SPICE1: variants seen among roughly 807,000 people sequenced by gnomAD.
The protein encoded by SPICE1 is spindle and centriole associated protein 1.
A neutral mutation model predicts 102.7 loss-of-function variants in SPICE1; 75 were observed. The ratio of observed to expected loss-of-function variants is 0.73; its 90% CI spans 0.61 to 0.88. The LOEUF (loss-of-function observed/expected upper bound fraction) is 0.88, where lower values mean the gene tolerates loss of function less well. Ranked by LOEUF, SPICE1 falls within the 40% of genes least tolerant of loss-of-function variation. SPICE1 has a pLI of 0.00. For synonymous variants in SPICE1, 308 were observed against 350.3 expected, an observed-to-expected ratio of 0.88 and a Z score of 1.35; for missense variants, 979 against 1,020.1, an observed-to-expected ratio of 0.96 and a Z score of 0.55.
At chr3:113,455,081 C>T (rs1350000957) in intron 13 of SPICE1, among the ~76,000 whole-genome samples, 1 of 152,164 alleles carries the variant, frequency 6.6e-6, no homozygotes, top group Non-Finnish European at 1.5e-5. Context: ...CCTTTACTTC[C>T]CTGAATATGC....
chr3:113,457,802 G>A (rs1001643174), intron 12 of SPICE1, among the ~76,000 whole-genome samples: 1 of 152,120 alleles, frequency 6.6e-6, no homozygotes, highest in Non-Finnish European at 1.5e-5. Context: ...GGGACTATAG[G>A]CATGCACCAT....
In SPICE1 at chr3:113,515,145, G is replaced by C. The variant is rs1246321543; in HGVS notation, c.-249C>G. 5.8e-6 allele frequency: 1 copy of C among 173,708 alleles called. No individual in the cohort carries two copies. The highest frequency in any genetic ancestry group is 2.4e-5 in the African/African-American group (1 of 41,608). 10.8% of individuals were successfully genotyped at this position (173,708 alleles called of 1,614,324 possible). A position where few individuals can be genotyped will look rare whatever the true frequency, so the allele number is the denominator to read the frequency against. On this transcript the variant is annotated 5_prime_UTR_variant, in exon 1 of 18. Transcript: ENST00000295872. ...ACTTCAGGCGCCGGAACCGCGGAGC[G>C]CGCCACAGGTTAACCCAGCCAGCGG... is the stretch of plus-strand genomic sequence containing the variant.
chr3:113,446,607 AG>A lies in SPICE1; in HGVS notation c.2495del (p.Pro832LeufsTer26), dbSNP rs1935519250. The A allele has an allele frequency of 1.9e-6, 3 of 1,613,422 alleles. No individual in the cohort carries two copies. In the African/African-American group the frequency reaches 4.0e-5, roughly 22 times the overall value. ...CGTGTACCTTTGCTCTTGGATTAAG[AG>A]GTGTGAATCTCCCACTTCCTGAGGT... ...NATSGSGRFT[P>X]LNPRAKIEKQ... On this transcript the variant is annotated frameshift_variant, in exon 17 of 18. Coordinates refer to ENST00000295872, the MANE Select transcript of SPICE1 (RefSeq NM_144718.4). LOFTEE classifies it high-confidence loss of function.
chr3:113,494,899 G>A (rs1404012108), intron 4 of SPICE1, among the ~76,000 whole-genome samples: 1 of 152,112 alleles, frequency 6.6e-6, no homozygotes, highest in Non-Finnish European at 1.5e-5. Context: ...ATGAATCTTT[G>A]AGCCATAAAC....
At chr3:113,459,329 A>G (rs998729385) in intron 12 of SPICE1, 2 of 365,716 alleles carry the variant, frequency 5.5e-6, no homozygotes, top group Non-Finnish European at 7.6e-6. Flanking sequence ...CTTTGTTCAC[A>G]TGTTTATCTG....
intron 11 of SPICE1, among the ~76,000 whole-genome samples, chr3:113,464,993 C>A (rs942741173): frequency 2.0e-5 from 3 of 151,636 alleles, no homozygotes; most frequent in Admixed American, 6.6e-5. Flanking sequence ...GTAGTCCCAG[C>A]GACTTGGGAG....
chr3:113,505,344 A>G (rs2107506543), intron 2 of SPICE1, among the ~76,000 whole-genome samples: 1 of 152,086 alleles, frequency 6.6e-6, no homozygotes, highest in South Asian at 2.1e-4. Context: ...CAGTTTCCTT[A>G]CCTTAGAGTC....
intron 7 of SPICE1, among the ~76,000 whole-genome samples, chr3:113,471,041 T>C (rs1373684888): frequency 6.6e-6 from 1 of 152,178 alleles, no homozygotes; most frequent in Non-Finnish European, 1.5e-5. Flanking sequence ...ACTTTTGAGC[T>C]AATGAGATTT....
Position 113,487,424 on chromosome 3 carries a change from C to T in SPICE1, c.611+1521G>A, listed in dbSNP as rs552334228. On this transcript the variant is annotated intron_variant, in intron 7 of 17. Transcript: ENST00000295872. ...TATAGATATGTTCATATACATATGA[C>T]TATAGGTATATATATGTATGTGTGC... is the stretch of plus-strand genomic sequence containing the variant. Among the ~76,000 whole-genome samples the T allele has an allele frequency of 2.4e-4, 36 of 152,072 alleles. 1 individual carries two copies. The East Asian group carries it at 6.6e-3, about 28-fold the overall frequency.
intron 12 of SPICE1, among the ~76,000 whole-genome samples, chr3:113,458,968 G>A (rs1233096470): frequency 1.4e-4 from 21 of 151,720 alleles, no homozygotes; most frequent in Non-Finnish European, 2.2e-4. Flanking sequence ...CGGTTTTGTC[G>A]AATAGAAAAG....
chr3:113,446,187 G>C (rs1006129994), intron 17 of SPICE1, among the ~76,000 whole-genome samples: 1 of 152,144 alleles, frequency 6.6e-6, no homozygotes, highest in Non-Finnish European at 1.5e-5. Flanking sequence ...GGGATAAAAT[G>C]AGAGGAAAAG....
intron 2 of SPICE1, among the ~76,000 whole-genome samples, chr3:113,504,455 G>A (rs192012167): frequency 2.0e-5 from 3 of 151,820 alleles, no homozygotes; most frequent in Admixed American, 6.6e-5. Flanking sequence ...GCCAGGCATG[G>A]TGGTGTGCGC....
intron 10 of SPICE1, among the ~76,000 whole-genome samples, chr3:113,467,360 C>T (rs1296761747): frequency 4.6e-5 from 7 of 152,132 alleles, no homozygotes; most frequent in Non-Finnish European, 1.0e-4. Flanking sequence ...GGCGCGATCT[C>T]GGCTCACTGC....
At chr3:113,487,919 A>G (rs533292302) in intron 7 of SPICE1, among the ~76,000 whole-genome samples, 13 of 152,312 alleles carry the variant, frequency 8.5e-5, no homozygotes, top group Admixed American at 2.0e-4. Context: ...GACAAAGTCA[A>G]ACTAGAGGGA....
At position 113,446,590 on chromosome 3, in the gene SPICE1, T is replaced by C. The variant is rs1935518676; in HGVS notation, c.2513A>G (p.Lys838Arg). Residue 838 changes from lysine to arginine, a missense_variant and splice_region_variant, in exon 17 of 18, where the codon AAG becomes AGG. By Grantham distance (26) the Lys-to-Arg change is conservative. Coordinates refer to ENST00000295872, the MANE Select transcript of SPICE1 (RefSeq NM_144718.4). ...GRFTPLNPRA[K>R]IEKQNEEGWF... ...TCACAATTACATTTTAACGTGTACC[T>C]TTGCTCTTGGATTAAGAGGTGTGAA... 1 of 1,612,070 alleles carries C rather than the reference T, an allele frequency of 6.2e-7. No individual in the cohort carries two copies. Among genetic ancestry groups the C allele is most frequent in the African/African-American group, 1.3e-5 (1 of 74,898 alleles).
rs2107446638 is a variant in SPICE1 at position 113,453,619 on chromosome 3, T to C, written c.1989A>G (p.Ile663Met). The C allele has an allele frequency of 6.2e-7, 1 of 1,614,178 alleles. No homozygotes were observed. The highest frequency in any genetic ancestry group is 8.5e-7 in the Non-Finnish European group (1 of 1,180,038). ...TTCGTGTCATTATGTCCTTTCTTTG[T>C]ATTAATGACTCATTTGTTCTCAGCT... ...GQQLRTNESL[I>M]QRKDIMTRIA... is the part of the protein sequence containing the mutation. The change falls in exon 14 of 18, where the codon ATA (isoleucine) becomes ATG (methionine). Residue 663 changes from isoleucine (I) to methionine (M), a missense_variant. Transcript: ENST00000295872.
At chr3:113,483,852 T>C (rs566919021) in intron 7 of SPICE1, among the ~76,000 whole-genome samples, 1 of 152,306 alleles carries the variant, frequency 6.6e-6, no homozygotes, top group East Asian at 1.9e-4. Context: ...TTTTGTTGTG[T>C]CTCTGCCAGG....
In SPICE1 at chr3:113,453,667, G is replaced by C; in HGVS notation, c.1941C>G (p.Leu647=). 6.2e-7 allele frequency: 1 copy of C among 1,614,058 alleles called. No homozygotes were observed. Among genetic ancestry groups the C allele is most frequent in the Non-Finnish European group, 8.5e-7 (1 of 1,180,020 alleles). The change falls in exon 14 of 18, where the codon CTC becomes CTG. Residue 647 remains leucine (L), a synonymous_variant. Transcript: ENST00000295872. The part of the protein sequence containing the change: ...QSRSPTFSEE[L]PVLGDGQQLR... The stretch of plus-strand genomic sequence containing the variant: ...GCTGCTGCCCATCTCCCAGTACTGG[G>C]AGCTCTTCTGAGAATGTGGGGCTTC...
At chr3:113,470,463 C>T (rs1936168967) in intron 7 of SPICE1, among the ~76,000 whole-genome samples, 1 of 152,184 alleles carries the variant, frequency 6.6e-6, no homozygotes, top group Admixed American at 6.5e-5. Context: ...ATGACCATGA[C>T]ATATGCAAGA....
Sources: gnomAD v4.1 joint callset for allele counts (sites outside exome capture counted in the v4.1 genomes callset) on GRCh38, gnomAD v4.1.1 for gene constraint, MANE v1.5 for transcripts, NCBI Gene and HGNC (gene_info 2026-07-23, HGNC 2026-07-21) for gene names.